Variants in ANKRD54 observed in about 807,000 individuals in gnomAD.
ANKRD54 encodes ankyrin repeat domain-containing protein 54.
In ANKRD54, 26 loss-of-function variants were observed where a neutral mutation model predicts 36.2. The observed-to-expected ratio is 0.72, with a 90% CI of 0.53 to 1.00. The LOEUF is 1.00. ANKRD54 is among the 50% of genes least tolerant of loss of function. The pLI, the probability that ANKRD54 is intolerant of heterozygous loss-of-function variation, is 0.00. For synonymous variants in ANKRD54, 209 were observed against 188.4 expected (o/e 1.11, Z -0.89); for missense variants, 384 against 424.3 (o/e 0.91, Z 0.83).
upstream of ANKRD54, chr22:37,849,012 T>G (rs1357604907): frequency 6.8e-6 from 2 of 293,440 alleles, no homozygotes; most frequent in African/African-American, 4.3e-5. Flanking sequence ...TTAGACGGAG[T>G]TTTCCCTCTT....
chr22:37,832,715 C>G lies in ANKRD54; in HGVS notation c.750G>C (p.Glu250Asp). The change falls in exon 7 of 8, where the codon GAG (glutamate) becomes GAC (aspartate). Residue 250 changes from glutamate (E) to aspartate (D), a missense_variant. Around this residue, in one of 3 missense-constraint regions of ANKRD54, gnomAD observed 179 missense variants for 224.0 expected, o/e 0.80. Coordinates refer to ENST00000215941, the MANE Select transcript of ANKRD54 (RefSeq NM_138797.4). ...CTCGCTGCTCATGTTGCCCTAGGCG[C>G]TCCAGATACTCCCTCAGCATATGGA... is the stretch of plus-strand genomic sequence containing the variant. ...QIIHMLREYL[E>D]RLGQHEQRER... 1 of 1,614,194 alleles carries G rather than the reference C, an allele frequency of 6.2e-7. No individual in the cohort carries two copies. The highest frequency in any genetic ancestry group is 8.5e-7 in the Non-Finnish European group (1 of 1,180,044).
At chr22:37,834,679 C>CA (rs1923300453) in intron 3 of ANKRD54, 1 of 90,142 alleles carries the variant, frequency 1.1e-5, no homozygotes, top group Non-Finnish European at 1.9e-5. Flanking sequence ...GCCTAGGCAA[C>CA]AGAGACAGAC....
chr22:37,832,883 G>A (rs1266501691), intron 6 of ANKRD54, 75 bp downstream of exon 6: 2 of 1,604,922 alleles, frequency 1.2e-6, no homozygotes, highest in South Asian at 1.1e-5. Context: ...CCAGAGGCAG[G>A]TGTGTCTGTG....
At chr22:37,840,747 G>T (rs1259858027) in intron 1 of ANKRD54, among the ~76,000 whole-genome samples, 2 of 151,128 alleles carry the variant, frequency 1.3e-5, no homozygotes, top group East Asian at 2.0e-4. Context: ...AATTAGCCGG[G>T]TGTGGTGCAC....
intron 1 of ANKRD54, among the ~76,000 whole-genome samples, chr22:37,843,188 C>T (rs1309061940): frequency 6.6e-6 from 1 of 152,126 alleles, no homozygotes; most frequent in Non-Finnish European, 1.5e-5. Context: ...TTTGGGAGGC[C>T]GAGGTGGGTG....
intron 3 of ANKRD54, 159 bp from the exon 4 acceptor site, chr22:37,833,914 T>C (rs1032921117): frequency 4.5e-6 from 3 of 663,860 alleles, no homozygotes; most frequent in Non-Finnish European, 7.8e-6. Flanking sequence ...CTCACTTACT[T>C]ACCAGAGTTC....
chr22:37,837,804 T>C (rs1178363164), intron 3 of ANKRD54, among the ~76,000 whole-genome samples: 1 of 151,196 alleles, frequency 6.6e-6, no homozygotes, highest in African/African-American at 2.4e-5. Context: ...CTGGCCAACA[T>C]GGTGAAACCC....
intron 7 of ANKRD54, 70 bp downstream of exon 7, chr22:37,832,567 A>G: frequency 7.1e-7 from 1 of 1,416,906 alleles, no homozygotes; most frequent in Non-Finnish European, 9.9e-7. Context: ...GTCTGGTGGC[A>G]TCGGAGCAGG....
At chr22:37,847,683 A>AG (rs756621432), upstream of ANKRD54, 2 of 485,468 alleles carry the variant, frequency 4.1e-6, no homozygotes, top group South Asian at 3.3e-5. Context: ...AAGGACCATG[A>AG]GGACATTGTT....
chr22:37,832,194 C>T (rs1198873860), intron 7 of ANKRD54, among the ~76,000 whole-genome samples, 177 bp from the exon 8 acceptor site: 1 of 152,172 alleles, frequency 6.6e-6, no homozygotes, highest in Non-Finnish European at 1.5e-5. Context: ...GGTGGCCTAG[C>T]GCTGTCCTAG....
intron 7 of ANKRD54, among the ~76,000 whole-genome samples, 161 bp downstream of exon 7, chr22:37,832,476 C>T (rs1202884890): frequency 6.6e-6 from 1 of 152,210 alleles, no homozygotes; most frequent in African/African-American, 2.4e-5. Context: ...GATCCTCCCA[C>T]TTCAGCCTCC....
intron 2 of ANKRD54, 143 bp downstream of exon 2, chr22:37,840,044 C>T: frequency 1.0e-6 from 1 of 966,104 alleles, no homozygotes; most frequent in Non-Finnish European, 1.6e-6. Flanking sequence ...AGCAAGATGA[C>T]TGCACAGTCA....
chr22:37,844,395 G>A, upstream of ANKRD54: 1 of 751,832 alleles, frequency 1.3e-6, no homozygotes, highest in Non-Finnish European at 2.0e-6. Context: ...GGCCGAGACA[G>A]AGCGGCGAAC....
chr22:37,847,210 T>C (rs1224151290), upstream of ANKRD54, among the ~76,000 whole-genome samples: 2 of 151,544 alleles, frequency 1.3e-5, no homozygotes, highest in Non-Finnish European at 2.9e-5. Context: ...TTGCCCAGGC[T>C]GGAGTGCAGT....
At chr22:37,838,700 C>T (rs1382158583) in intron 2 of ANKRD54, 102 bp from the exon 3 acceptor site, 5 of 1,152,292 alleles carry the variant, frequency 4.3e-6, no homozygotes, top group Non-Finnish European at 6.2e-6. Flanking sequence ...TGCCTCTAGA[C>T]AAGACATCGA....
chr22:37,845,520 A>G (rs1025618633), upstream of ANKRD54, among the ~76,000 whole-genome samples: 10 of 152,208 alleles, frequency 6.6e-5, no homozygotes. Flanking sequence ...TCACCGGACC[A>G]GGTCTTGTGT....
Position 37,833,604 on chromosome 22 carries a change from A to G in ANKRD54, c.547+80T>C, listed in dbSNP as rs922474967. On this transcript the variant is annotated intron_variant, in intron 4 of 7. Transcript: ENST00000215941. ...GACACTCACAGTTTCTGCCAGGAGC[A>G]TGCCGGGCCCCACCCTCTTCATCTA... 4.1e-6 allele frequency: 6 copies of G among 1,480,620 alleles called. No homozygotes were observed. In the African/African-American group the frequency reaches 5.5e-5, roughly 14 times the overall value. 91.7% of individuals were successfully genotyped at this position (1,480,620 alleles called of 1,614,324 possible).
upstream of ANKRD54, among the ~76,000 whole-genome samples, chr22:37,847,454 G>T (rs1924902286): frequency 6.6e-6 from 1 of 152,174 alleles, no homozygotes; most frequent in Non-Finnish European, 1.5e-5. Context: ...GAACCACTGT[G>T]CCAGGCCTCG....
At chr22:37,833,917 C>A in intron 3 of ANKRD54, 162 bp from the exon 4 acceptor site, 1 of 662,852 alleles carries the variant, frequency 1.5e-6, no homozygotes. Context: ...ACTTACTTAC[C>A]AGAGTTCATG....
Sources: allele counts gnomAD v4.1 joint callset (sites outside exome capture counted in the v4.1 genomes callset), GRCh38; gene constraint gnomAD v4.1.1; regional missense constraint gnomAD v4.1.1; transcripts MANE v1.5; gene names NCBI Gene and HGNC (gene_info 2026-07-23, HGNC 2026-07-21).